MDN1: variants seen among roughly 807,000 people sequenced by gnomAD.
The protein encoded by MDN1 is midasin.
Under a neutral mutation model 669.2 loss-of-function variants are expected in MDN1, and 266 were observed. The observed-to-expected ratio is 0.40, with a 90% CI of 0.36 to 0.44. MDN1 has a LOEUF of 0.44. Among genes scored for constraint, MDN1 ranks in the 20% least tolerant of loss-of-function variants. MDN1 has a pLI of 1.00. For synonymous variants in MDN1, 2,385 were observed against 2,457.1 expected, an observed-to-expected ratio of 0.97 and a Z score of 0.87; for missense variants, 5,940 against 6,754.0, an observed-to-expected ratio of 0.88 and a Z score of 4.22.
At chr6:89,656,280 G>A (rs375197338) in intron 91 of MDN1, among the ~76,000 whole-genome samples, 1 of 152,124 alleles carries the variant, frequency 6.6e-6, no homozygotes, top group African/African-American at 2.4e-5. Context: ...GGGTCCCTTG[G>A]GGACAGGAAT....
chr6:89,711,203 T>C (rs1813891202), intron 49 of MDN1, among the ~76,000 whole-genome samples: 1 of 152,216 alleles, frequency 6.6e-6, no homozygotes, highest in African/African-American at 2.4e-5. Context: ...ACTTTACAAT[T>C]CAAGCAATGT....
At chr6:89,675,990 A>T in intron 77 of MDN1, 112 bp downstream of exon 77, 1 of 895,858 alleles carries the variant, frequency 1.1e-6, no homozygotes, top group Non-Finnish European at 1.7e-6. Context: ...CAAAAAGCTC[A>T]GTTCCACTAA....
intron 71 of MDN1, among the ~76,000 whole-genome samples, chr6:89,684,437 T>C (rs1811867654): frequency 6.7e-6 from 1 of 149,956 alleles, no homozygotes; most frequent in South Asian, 2.1e-4. Flanking sequence ...TTAAGTCACC[T>C]GACATATACT....
chr6:89,735,441 A>C (rs747219134), intron 33 of MDN1, among the ~76,000 whole-genome samples: 22 of 148,610 alleles, frequency 1.5e-4, no homozygotes, highest in Middle Eastern at 6.9e-3. Context: ...TGGTATAATC[A>C]TAGTTCATTG....
intron 1 of MDN1, among the ~76,000 whole-genome samples, chr6:89,813,972 T>G (rs571825303): frequency 2.6e-5 from 4 of 151,282 alleles, no homozygotes; most frequent in Non-Finnish European, 5.9e-5. Flanking sequence ...ATGCCTATAG[T>G]TCCAGCTACT....
At chr6:89,672,167 A>G (rs375978367) in intron 82 of MDN1, 33 bp downstream of exon 82, 41 of 1,538,522 alleles carry the variant, frequency 2.7e-5, no homozygotes, top group Non-Finnish European at 3.2e-5. Flanking sequence ...TGCATTCTGA[A>G]GAGGAAGAAG....
Position 89,695,733 on chromosome 6 carries a change from G to A in MDN1, c.9643C>T (p.Pro3215Ser), listed in dbSNP as rs2128308691. The A allele has an allele frequency of 6.2e-7, 1 of 1,613,728 alleles. No individual in the cohort carries two copies. The highest frequency in any genetic ancestry group is 1.3e-5 in the African/African-American group (1 of 75,048). ...AGGCTCCCACGCTGGGCTGGCTCAG[G>A]CAGGCTCCTCTTACTCTCCCCTTCA... ...VGEGESKRSL[P>S]EPAQRGSLWV... is the part of the protein sequence containing the mutation. The change falls in exon 61 of 102, where the codon CCT (proline) becomes TCT (serine). Residue 3215 changes from proline to serine, a missense_variant. By Grantham distance (74) the Pro-to-Ser change is moderately conservative. Around this residue, in one of 5 missense-constraint regions of MDN1, gnomAD observed 2,292 missense variants for 2,638.3 expected, o/e 0.87. Coordinates refer to ENST00000369393, the MANE Select transcript of MDN1 (RefSeq NM_014611.3). This position sits in a 1 kb window ranked among gnomAD's most constrained non-coding sequence, Gnocchi z 4.1.
intron 78 of MDN1, 97 bp downstream of exon 78, chr6:89,675,367 G>A (rs780222084): frequency 8.2e-6 from 8 of 973,324 alleles, no homozygotes; most frequent in Non-Finnish European, 1.2e-5. Flanking sequence ...ACAATTGAGA[G>A]CATGTCTTAT....
In MDN1 at chr6:89,678,729, A is replaced by AG; in HGVS notation, c.12281dup (p.Val4095CysfsTer3). 1 of 1,612,480 alleles carries AG rather than the reference A, an allele frequency of 6.2e-7. No homozygotes were observed. The highest frequency in any genetic ancestry group is 8.5e-7 in the Non-Finnish European group (1 of 1,179,324). ...CCTTTAAGCTCTGCAGCTCACTCAC[A>AG]GAGGAAATCACTTCACCTGTAAGGG... On this transcript the variant is annotated frameshift_variant, in exon 75 of 102. Transcript: ENST00000369393. LOFTEE classifies it high-confidence loss of function.
chr6:89,768,071 T>A (rs1034144600), intron 15 of MDN1, among the ~76,000 whole-genome samples: 1 of 151,966 alleles, frequency 6.6e-6, no homozygotes. Context: ...TAAAAGTTTT[T>A]AAAATTAATC....
At chr6:89,748,166 A>G (rs1168099119) in intron 26 of MDN1, among the ~76,000 whole-genome samples, 2 of 152,128 alleles carry the variant, frequency 1.3e-5, no homozygotes, top group African/African-American at 4.8e-5. Flanking sequence ...CTCTACTAAA[A>G]AGACAAAAAA....
At chr6:89,701,779 T>C in intron 54 of MDN1, 101 bp from the exon 55 acceptor site, 1 of 1,521,474 alleles carries the variant, frequency 6.6e-7, no homozygotes. Context: ...CTTTTAATTG[T>C]ACATTCACCA....
chr6:89,693,167 A>G lies in MDN1; in HGVS notation c.9882-19T>C. ...AAGCAGCCTAACGGGAAATTAACAC[A>G]ATATGCCAATTATGTCAGAAGAAGA... On this transcript the variant is annotated intron_variant, in intron 62 of 101. Transcript: ENST00000369393. 1 of 1,512,214 alleles carries G rather than the reference A, an allele frequency of 6.6e-7. No homozygotes were observed. Among genetic ancestry groups the G allele is most frequent in the Non-Finnish European group, 9.0e-7 (1 of 1,117,262 alleles). 93.7% of individuals were successfully genotyped at this position (1,512,214 alleles called of 1,614,324 possible).
At chr6:89,724,651 A>C (rs1325666950) in intron 38 of MDN1, among the ~76,000 whole-genome samples, 2 of 152,252 alleles carry the variant, frequency 1.3e-5, no homozygotes, top group Non-Finnish European at 1.5e-5. Flanking sequence ...AAAGAAATCT[A>C]GAGACATTTC....
rs1016856787 is a variant in MDN1, at chr6:89,673,425, A to C, written c.13285T>G (p.Leu4429Val). 17 of 1,614,206 alleles carry C rather than the reference A, an allele frequency of 1.1e-5. No homozygotes were observed. Among genetic ancestry groups the C allele is most frequent in the Non-Finnish European group, 1.4e-5 (16 of 1,180,032 alleles). ...TGCAAATGAACTGACACCTGGGACA[A>C]GCAACTCAGCGCAGAAGAGCAAACT... ...FEVCSSALSC[L>V]SQVSVHLQGL... The change falls in exon 80 of 102, where the codon TTG becomes GTG. Residue 4429 changes from leucine to valine, a missense_variant. Physicochemically the swap from Leu to Val is conservative, Grantham distance 32. Around this residue, in one of 5 missense-constraint regions of MDN1, gnomAD observed 2,280 missense variants for 2,576.3 expected, o/e 0.88. Coordinates refer to ENST00000369393, the MANE Select transcript of MDN1 (RefSeq NM_014611.3).
chr6:89,688,318 G>C, intron 66 of MDN1, 145 bp from the exon 67 acceptor site: 2 of 781,422 alleles, frequency 2.6e-6, no homozygotes, highest in Admixed American at 2.8e-5. Context: ...CAACATGGCA[G>C]CATTTTATTA....
At position 89,750,505 on chromosome 6, in the gene MDN1, C is replaced by T; in HGVS notation, c.3255G>A (p.Glu1085=). The T allele has an allele frequency of 6.2e-7, 1 of 1,613,552 alleles. No individual in the cohort carries two copies. ...TCAGGCTTGTTTTACCAACTGATGT[C>T]TCTCCCTGAATCAGCACTGGATAGG... The part of the protein sequence containing the change: ...AGTYPVLIQG[E]TSVGKTSLIQ... Residue 1085 remains glutamate (E), a synonymous_variant, in exon 24 of 102, where the codon GAG becomes GAA. Coordinates refer to ENST00000369393, the MANE Select transcript of MDN1 (RefSeq NM_014611.3).
intron 53 of MDN1, among the ~76,000 whole-genome samples, chr6:89,703,814 A>T (rs6454773): frequency 6.6e-6 from 1 of 151,862 alleles, no homozygotes; most frequent in South Asian, 2.1e-4. Flanking sequence ...GAGTTCCAGA[A>T]CAGCCTGGCC....
At chr6:89,760,349 T>C (rs1039816921) in intron 17 of MDN1, among the ~76,000 whole-genome samples, 1 of 150,552 alleles carries the variant, frequency 6.6e-6, no homozygotes, top group Admixed American at 6.6e-5. Flanking sequence ...CGGGTCCAAA[T>C]CCCTCTCTCA....
Sources: allele counts gnomAD v4.1 joint callset (sites outside exome capture counted in the v4.1 genomes callset), GRCh38; gene constraint gnomAD v4.1.1; regional missense constraint gnomAD v4.1.1; non-coding constraint Gnocchi (gnomAD v3.1); transcripts MANE v1.5; gene names NCBI Gene and HGNC (gene_info 2026-07-23, HGNC 2026-07-21).